GHR: variants seen among roughly 807,000 people sequenced by gnomAD.
GHR encodes the protein growth hormone receptor.
GHR carries 35 observed loss-of-function variants against 67.1 expected under a neutral mutation model. That is an observed-to-expected ratio of 0.52 (90% CI 0.40 to 0.69). The LOEUF (loss-of-function observed/expected upper bound fraction) is 0.69, where lower values mean the gene tolerates loss of function less well. Ranked by LOEUF, GHR falls within the 30% of genes least tolerant of loss-of-function variation. The pLI, the probability that GHR is intolerant of heterozygous loss-of-function variation, is 0.00. For missense variants in GHR, 792 were observed against 764.6 expected (o/e 1.04, Z -0.42); for synonymous variants, 272 against 269.1 (o/e 1.01, Z -0.10).
intron 1 of GHR, among the ~76,000 whole-genome samples, chr5:42,438,633 A>T (rs1265607926): frequency 6.6e-6 from 1 of 152,212 alleles, no homozygotes; most frequent in Admixed American, 6.5e-5. Context: ...TGGATCCTAC[A>T]GACAGCTTCA....
chr5:42,452,173 GGA>G (rs1744078602), intron 1 of GHR, among the ~76,000 whole-genome samples: 1 of 152,136 alleles, frequency 6.6e-6, no homozygotes. Context: ...TAGTTTTGCT[GGA>G]TGCAAAATTT....
chr5:42,675,394 A>G (rs1756521173), intron 3 of GHR, among the ~76,000 whole-genome samples: 1 of 152,190 alleles, frequency 6.6e-6, no homozygotes, highest in Non-Finnish European at 1.5e-5. Context: ...TCTCATTACG[A>G]GTCAGTATGC....
intron 1 of GHR, among the ~76,000 whole-genome samples, chr5:42,441,264 G>A (rs922633517): frequency 6.6e-6 from 1 of 152,148 alleles, no homozygotes; most frequent in African/African-American, 2.4e-5. Flanking sequence ...ATCATTTAAG[G>A]TGCTGATGAG....
intron 2 of GHR, among the ~76,000 whole-genome samples, chr5:42,582,829 G>T (rs192203783): frequency 1.3e-5 from 2 of 152,348 alleles, no homozygotes; most frequent in Admixed American, 6.5e-5. Context: ...AGATGCAGCC[G>T]CAGGCTTGCA....
chr5:42,656,612 G>A lies in GHR; in HGVS notation c.136+27509G>A, dbSNP rs372983094. 5.9e-5 allele frequency among the ~76,000 whole-genome samples: 9 copies of A among 152,162 alleles called. No homozygotes were observed. In the South Asian group the frequency reaches 1.2e-3, roughly 21 times the overall value. ...TATTGCCCTACCTGGCGAGGAATCAGCAGTTATACAATTCAAAGTTGCAGC... is the reference window on the plus strand; with the variant it reads ...TATTGCCCTACCTGGCGAGGAATCAACAGTTATACAATTCAAAGTTGCAGC... On this transcript the variant is annotated intron_variant, in intron 3 of 9. Transcript: ENST00000230882.
intron 2 of GHR, among the ~76,000 whole-genome samples, chr5:42,594,806 T>C (rs1381389212): frequency 6.6e-6 from 1 of 152,158 alleles, no homozygotes; most frequent in Non-Finnish European, 1.5e-5. Flanking sequence ...ATACTTACTG[T>C]CTTAGTAATT....
chr5:42,500,840 A>G (rs1167551698), intron 1 of GHR, among the ~76,000 whole-genome samples: 4 of 152,254 alleles, frequency 2.6e-5, no homozygotes, highest in Non-Finnish European at 4.4e-5. Context: ...CGTAACAATG[A>G]CATCCTAAAA....
intron 3 of GHR, among the ~76,000 whole-genome samples, chr5:42,671,498 C>A (rs1193152139): frequency 6.6e-6 from 1 of 151,892 alleles, no homozygotes; most frequent in Non-Finnish European, 1.5e-5. Context: ...ATCAAGTAGG[C>A]TTCCTTCTTG....
chr5:42,574,039 A>G (rs1282423671), intron 2 of GHR, among the ~76,000 whole-genome samples: 1 of 152,224 alleles, frequency 6.6e-6, no homozygotes, highest in East Asian at 1.9e-4. Context: ...GTCATTTTTC[A>G]GGGGAGGACC....
intron 1 of GHR, among the ~76,000 whole-genome samples, chr5:42,481,855 G>C (rs1274028156): frequency 6.6e-6 from 1 of 152,102 alleles, no homozygotes; most frequent in Non-Finnish European, 1.5e-5. Context: ...GGATTAGTTT[G>C]ATCGTCTGAA....
chr5:42,595,330 C>A (rs1382415639), intron 2 of GHR, among the ~76,000 whole-genome samples: 2 of 152,138 alleles, frequency 1.3e-5, no homozygotes, highest in African/African-American at 4.8e-5. Flanking sequence ...ATGCTCAATG[C>A]TGCAGTAAAA....
intron 3 of GHR, among the ~76,000 whole-genome samples, chr5:42,687,402 G>T (rs1180401255): frequency 3.3e-5 from 5 of 152,128 alleles, no homozygotes; most frequent in Admixed American, 3.3e-4. Flanking sequence ...AAGGCATCAC[G>T]CTACCTGACC....
intron 2 of GHR, among the ~76,000 whole-genome samples, chr5:42,567,410 A>G (rs1487184063): frequency 2.6e-5 from 4 of 152,204 alleles, no homozygotes; most frequent in Non-Finnish European, 5.9e-5. Context: ...TCCTGAGTGA[A>G]GAGAAAACAT....
chr5:42,589,206 A>C (rs1317328934), intron 2 of GHR, among the ~76,000 whole-genome samples: 1 of 152,250 alleles, frequency 6.6e-6, no homozygotes, highest in African/African-American at 2.4e-5. Context: ...CCTGTTAAAC[A>C]TTCAGTATCT....
intron 1 of GHR, among the ~76,000 whole-genome samples, chr5:42,479,397 C>T (rs568065698): frequency 6.9e-4 from 105 of 152,304 alleles, no homozygotes; most frequent in African/African-American, 2.4e-3. Flanking sequence ...ATGCTAGCCT[C>T]ATAAAATGAG....
At chr5:42,542,791 A>G (rs1186284738) in intron 1 of GHR, among the ~76,000 whole-genome samples, 1 of 151,206 alleles carries the variant, frequency 6.6e-6, no homozygotes, top group Non-Finnish European at 1.5e-5. Flanking sequence ...AGCCACCCCT[A>G]CCCCCTCCTC....
intron 1 of GHR, among the ~76,000 whole-genome samples, chr5:42,430,038 T>A (rs1743024496): frequency 6.6e-6 from 1 of 152,226 alleles, no homozygotes; most frequent in African/African-American, 2.4e-5. Flanking sequence ...CTACTTTTTC[T>A]CAGGAGGTAA....
chr5:42,432,093 G>A (rs57773474), intron 1 of GHR, among the ~76,000 whole-genome samples: 2,520 of 152,154 alleles, frequency 0.017, 79 homozygotes, highest in African/African-American at 0.059. Context: ...TTTTTCCTCG[G>A]TTGTTTATAA....
chr5:42,660,921 A>C (rs1197083732), intron 3 of GHR, among the ~76,000 whole-genome samples: 1 of 152,202 alleles, frequency 6.6e-6, no homozygotes, highest in Non-Finnish European at 1.5e-5. Flanking sequence ...AAAGGAGCTG[A>C]TGGAGCTGAA....
Sources: allele counts gnomAD v4.1 joint callset (sites outside exome capture counted in the v4.1 genomes callset), GRCh38; gene constraint gnomAD v4.1.1; transcripts MANE v1.5; gene names NCBI Gene and HGNC (gene_info 2026-07-23, HGNC 2026-07-21).